Variants in MATN2 observed in about 807,000 individuals in gnomAD.
MATN2 encodes matrilin 2, also known as matrilin-2.
A neutral mutation model predicts 103.2 loss-of-function variants in MATN2; 69 were observed. The ratio of observed to expected loss-of-function variants is 0.67; its 90% CI spans 0.55 to 0.82. The LOEUF is 0.82. MATN2 is among the 40% of genes least tolerant of loss of function. MATN2 has a pLI of 0.00. For missense variants in MATN2, 1,023 were observed against 1,211.5 expected (o/e 0.84, Z 2.31); for synonymous variants, 429 against 450.2 (o/e 0.95, Z 0.60).
chr8:97,913,248 C>T lies in MATN2; in HGVS notation c.143-17705C>T, dbSNP rs182305957. ...TGTTTTGTCCTTTTAGCTTCTGCAA[C>T]GCTGGAAGACTCATGGGGAGAGTTG... is the stretch of plus-strand genomic sequence containing the variant. On this transcript the variant is annotated intron_variant, in intron 2 of 18. Coordinates refer to ENST00000254898, the MANE Select transcript of MATN2 (RefSeq NM_002380.5). Among the ~76,000 whole-genome samples, 195 of 152,060 alleles carry T rather than the reference C, an allele frequency of 1.3e-3. 1 individual carries two copies. The highest frequency in any genetic ancestry group is 2.0e-3 in the Non-Finnish European group (133 of 68,016).
At chr8:97,945,711 A>AT (rs1385265414) in intron 4 of MATN2, among the ~76,000 whole-genome samples, 1 of 67,330 alleles carries the variant, frequency 1.5e-5, no homozygotes, top group Non-Finnish European at 2.7e-5. Context: ...TATAGAAAAA[A>AT]AAAAAAATAT....
In MATN2 at chr8:97,940,568, T is replaced by G. The variant is rs528913327; in HGVS notation, c.713-1209T>G. Among the ~76,000 whole-genome samples, 3 of 152,296 alleles carry G rather than the reference T, an allele frequency of 2.0e-5. No individual in the cohort carries two copies. The East Asian group carries it at 5.8e-4, about 29-fold the overall frequency. Reference sequence around the variant, plus strand: ...CCAATGTAGAGACATAAACTTCAGATGGATTTAATCACAGCTGAGTTTTCA... The same window carrying G: ...CCAATGTAGAGACATAAACTTCAGAGGGATTTAATCACAGCTGAGTTTTCA... On this transcript the variant is annotated intron_variant, in intron 3 of 18. Coordinates refer to ENST00000254898, the MANE Select transcript of MATN2 (RefSeq NM_002380.5).
intron 7 of MATN2, 96 bp downstream of exon 7, chr8:97,994,698 T>A: frequency 7.5e-7 from 1 of 1,332,440 alleles, no homozygotes; most frequent in Non-Finnish European, 1.0e-6. Flanking sequence ...GATGTGCTTG[T>A]ATTCAGCATT....
In MATN2 at chr8:98,026,160, C is replaced by T. The variant is rs372688983; in HGVS notation, c.1943-1256C>T. 4.5e-4 allele frequency among the ~76,000 whole-genome samples: 47 copies of T among 104,382 alleles called. No homozygotes were observed. The South Asian group carries it at 0.015, about 33-fold the overall frequency. 68.5% of individuals were successfully genotyped at this position (104,382 alleles called of 152,430 possible). On this transcript the variant is annotated intron_variant, in intron 13 of 18. Coordinates refer to ENST00000254898, the MANE Select transcript of MATN2 (RefSeq NM_002380.5). ...CACCATTGCACTTCAGCCTGGGTAACAGAGCAAGACTCAATCTCAAAAAAA... is the reference window on the plus strand; with the variant it reads ...CACCATTGCACTTCAGCCTGGGTAATAGAGCAAGACTCAATCTCAAAAAAA...
At chr8:97,978,386 G>T (rs1811907853) in intron 5 of MATN2, among the ~76,000 whole-genome samples, 1 of 152,038 alleles carries the variant, frequency 6.6e-6, no homozygotes, top group African/African-American at 2.4e-5. Context: ...AGGATTTTTT[G>T]TTGTTGTTGT....
intron 7 of MATN2, among the ~76,000 whole-genome samples, chr8:97,994,892 T>C (rs765845346): frequency 1.5e-4 from 23 of 152,102 alleles, no homozygotes; most frequent in African/African-American, 2.7e-4. Context: ...TCCCATAGCA[T>C]TGGGGTCTTG....
At chr8:97,999,531 T>G (rs1373449456) in intron 7 of MATN2, among the ~76,000 whole-genome samples, 2 of 152,230 alleles carry the variant, frequency 1.3e-5, no homozygotes, top group African/African-American at 4.8e-5. Flanking sequence ...GACTGGTGTT[T>G]TATTGCCAGG....
intron 18 of MATN2, among the ~76,000 whole-genome samples, chr8:98,034,916 TAAAA>T (rs397970246): frequency 7.6e-6 from 1 of 130,828 alleles, no homozygotes; most frequent in Non-Finnish European, 1.7e-5. Flanking sequence ...GAATCACAAT[TAAAA>T]AAAAAAAAAA....
chr8:97,909,669 A>G lies in MATN2; in HGVS notation c.143-21284A>G, dbSNP rs144354767. On this transcript the variant is annotated intron_variant, in intron 2 of 18. Coordinates refer to ENST00000254898, the MANE Select transcript of MATN2 (RefSeq NM_002380.5). ...CTCTTGCCGAGTGAGTGAGGGGCCC[A>G]CGGTAGGAGATGAGATCAGAGAAGT... Among the ~76,000 whole-genome samples the G allele has an allele frequency of 1.5e-3, 234 of 152,316 alleles. 9 individuals carry two copies. In the East Asian group the frequency reaches 0.034, roughly 22 times the overall value.
intron 2 of MATN2, among the ~76,000 whole-genome samples, chr8:97,913,182 C>T (rs965985150): frequency 6.6e-6 from 1 of 151,740 alleles, no homozygotes; most frequent in Non-Finnish European, 1.5e-5. Flanking sequence ...CCAATTCTTA[C>T]CCAGAACCCT....
At chr8:97,903,835 G>A (rs1305664134) in intron 2 of MATN2, among the ~76,000 whole-genome samples, 1 of 152,238 alleles carries the variant, frequency 6.6e-6, no homozygotes, top group Non-Finnish European at 1.5e-5. Flanking sequence ...AGGACCACTT[G>A]ATCCATCCTT....
At chr8:97,989,326 G>A (rs1812311121) in intron 6 of MATN2, among the ~76,000 whole-genome samples, 1 of 152,102 alleles carries the variant, frequency 6.6e-6, no homozygotes. Flanking sequence ...GAAATTAGCT[G>A]GGCATGGTGG....
chr8:97,904,558 C>T (rs1286903586), intron 2 of MATN2, among the ~76,000 whole-genome samples: 2 of 152,106 alleles, frequency 1.3e-5, no homozygotes, highest in Non-Finnish European at 1.5e-5. Context: ...TGGATTGACT[C>T]TTGAGTTTCT....
intron 12 of MATN2, 120 bp from the exon 13 acceptor site, chr8:98,021,085 T>C (rs1813572928): frequency 7.5e-6 from 7 of 936,472 alleles, no homozygotes. Context: ...ATGAAGGAGG[T>C]TTGAAGAGAG....
intron 8 of MATN2, among the ~76,000 whole-genome samples, chr8:98,006,058 G>A (rs1005789322): frequency 1.3e-5 from 2 of 152,216 alleles, no homozygotes; most frequent in African/African-American, 2.4e-5. Context: ...TTCTCCATAA[G>A]GGAAACCTGG....
intron 4 of MATN2, among the ~76,000 whole-genome samples, chr8:97,950,222 G>A (rs964141): frequency 0.13 from 19,045 of 152,246 alleles, 1,505 homozygotes; most frequent in East Asian, 0.24. Context: ...AAGTAGTGGC[G>A]CTGGACCAGA....
chr8:97,995,530 A>T (rs1322459444), intron 7 of MATN2, among the ~76,000 whole-genome samples: 15 of 152,224 alleles, frequency 9.9e-5, no homozygotes, highest in Admixed American at 9.8e-4. Flanking sequence ...TGTCATTCGT[A>T]GAACTCTCTG....
At chr8:97,905,343 A>G (rs1337950350) in intron 2 of MATN2, among the ~76,000 whole-genome samples, 1 of 152,174 alleles carries the variant, frequency 6.6e-6, no homozygotes, top group Non-Finnish European at 1.5e-5. Flanking sequence ...GCTTTTCATC[A>G]TCCCAAATAG....
chr8:97,882,906 A>G (rs1448109725), intron 1 of MATN2, among the ~76,000 whole-genome samples: 6 of 151,916 alleles, frequency 3.9e-5, no homozygotes, highest in Admixed American at 2.6e-4. Flanking sequence ...ACGTGTTTTC[A>G]TATGTTTATT....
Sources: gnomAD v4.1 joint callset for allele counts (sites outside exome capture counted in the v4.1 genomes callset) on GRCh38, gnomAD v4.1.1 for gene constraint, MANE v1.5 for transcripts, NCBI Gene and HGNC (gene_info 2026-07-23, HGNC 2026-07-21) for gene names.